The following TRIO variants were observed in gnomAD, a reference collection of about 807,000 sequenced individuals.
TRIO encodes the protein trio Rho guanine nucleotide exchange factor.
TRIO carries 58 observed loss-of-function variants against 351.9 expected under a neutral mutation model. The ratio of observed to expected loss-of-function variants is 0.16; its 90% confidence interval spans 0.13 to 0.21. The LOEUF (loss-of-function observed/expected upper bound fraction) is 0.21. Among genes scored for constraint, TRIO ranks in the 10% least tolerant of loss-of-function variants. TRIO has a pLI of 1.00. For synonymous variants in TRIO, 1,758 were observed against 1,595.7 expected (o/e 1.10, Z -2.42); for missense variants, 3,201 against 4,027.8 (o/e 0.79, Z 5.56).
At chr5:14,399,481 A>C (rs1747889889) in intron 30 of TRIO, 1 of 216,220 alleles carries the variant, frequency 4.6e-6, no homozygotes, top group East Asian at 1.0e-4. Context: ...GCTCACATTT[A>C]AAAATAAATG....
At chr5:14,445,551 A>G (rs1418310471) in intron 34 of TRIO, among the ~76,000 whole-genome samples, 2 of 152,230 alleles carry the variant, frequency 1.3e-5, no homozygotes, top group Non-Finnish European at 2.9e-5. Context: ...AGTTTCTCAG[A>G]TGCGCAGTTG....
intron 1 of TRIO, among the ~76,000 whole-genome samples, chr5:14,242,688 CCTCAGCCTCCCGA>C (rs1413418234): frequency 2.0e-5 from 3 of 152,224 alleles, no homozygotes; most frequent in Non-Finnish European, 2.9e-5. Flanking sequence ...AGTCCTCCCA[CCTCAGCCTCCCGA>C]GTAGCTGGGA....
chr5:14,390,310 C>T lies in TRIO; in HGVS notation c.4128+10C>T, dbSNP rs768333637. On this transcript the variant is annotated intron_variant, in intron 26 of 56. Coordinates refer to ENST00000344204, the MANE Select transcript of TRIO (RefSeq NM_007118.4). ...TTGTTTTGTTACTTGGGTAATGAAA[C>T]CTCAACCATTTGTTCTCTCCCAGCT... 5 of 1,613,242 alleles carry T rather than the reference C, an allele frequency of 3.1e-6. No individual in the cohort carries two copies. In the African/African-American group the frequency reaches 5.3e-5, roughly 17 times the overall value.
intron 55 of TRIO, among the ~76,000 whole-genome samples, chr5:14,505,869 G>A (rs1490026454): frequency 2.0e-5 from 3 of 152,244 alleles, no homozygotes; most frequent in African/African-American, 4.8e-5. Flanking sequence ...AAGGGCAGAC[G>A]GTGGGGCGCA....
At chr5:14,145,415 C>T (rs1303816971) in intron 1 of TRIO, among the ~76,000 whole-genome samples, 1 of 152,076 alleles carries the variant, frequency 6.6e-6, no homozygotes, top group Non-Finnish European at 1.5e-5. Context: ...AATCTACTCC[C>T]CAGTGCTCAC....
chr5:14,435,827 T>C (rs1751537558), intron 34 of TRIO, among the ~76,000 whole-genome samples: 1 of 152,234 alleles, frequency 6.6e-6, no homozygotes, highest in South Asian at 2.1e-4. Context: ...TCCTTTACTT[T>C]CTGGCACTAT....
intron 33 of TRIO, among the ~76,000 whole-genome samples, chr5:14,407,583 C>G (rs764557432): frequency 6.6e-6 from 1 of 152,210 alleles, no homozygotes; most frequent in African/African-American, 2.4e-5. Context: ...CTGAGATGCC[C>G]TCTCATAACC....
At chr5:14,160,073 G>A (rs552450555) in intron 1 of TRIO, among the ~76,000 whole-genome samples, 3 of 152,308 alleles carry the variant, frequency 2.0e-5, no homozygotes, top group African/African-American at 7.2e-5. Context: ...AAGAGACATC[G>A]CAGAAGAATT....
At chr5:14,456,214 C>T (rs994837342) in intron 34 of TRIO, among the ~76,000 whole-genome samples, 4 of 152,256 alleles carry the variant, frequency 2.6e-5, no homozygotes, top group Non-Finnish European at 5.9e-5. Flanking sequence ...AGGCGCTAGC[C>T]TGCGAGCACC....
intron 8 of TRIO, among the ~76,000 whole-genome samples, chr5:14,308,378 A>G (rs1408657993): frequency 2.8e-5 from 3 of 106,372 alleles, no homozygotes; most frequent in South Asian, 6.0e-4. Context: ...TCATCTGTCC[A>G]TCCATCCATC....
In TRIO at chr5:14,406,408, G is replaced by GCAGAAAGCC. The variant is rs1304789499; in HGVS notation, c.4860-164_4860-156dup. The GCAGAAAGCC allele has an allele frequency of 5.8e-5, 39 of 670,714 alleles. No individual in the cohort carries two copies. The East Asian group carries it at 1.0e-3, about 18-fold the overall frequency. The allele number at this position is 670,714 out of a possible 1,614,324, so 41.5% of individuals were successfully genotyped here. On this transcript the variant is annotated intron_variant, in intron 32 of 56. Coordinates refer to ENST00000344204, the MANE Select transcript of TRIO (RefSeq NM_007118.4). ...TTTTAAACACTCAGCACAGTGCCTAGCAGAAAGCCTGTGCTCGGTGAAGGG... is the reference window on the plus strand; with the variant it reads ...TTTTAAACACTCAGCACAGTGCCTAGCAGAAAGCCCAGAAAGCCTGTGCTCGGTGAAGGG...
rs747820693 is a variant in TRIO at position 14,498,570 on chromosome 5, C to T, written c.8262C>T (p.Asp2754=). 1.1e-5 allele frequency: 17 copies of T among 1,614,148 alleles called. No homozygotes were observed. Among genetic ancestry groups the T allele is most frequent in the East Asian group, 4.5e-5 (2 of 44,876 alleles). Residue 2754 remains aspartate, a synonymous_variant, in exon 53 of 57, where the codon GAC becomes GAT. Coordinates refer to ENST00000344204, the MANE Select transcript of TRIO (RefSeq NM_007118.4). ...LKIVGVTTED[D]GIYTCIAVND... is the part of the protein sequence containing the mutation. ...TTGTGGGCGTGACCACGGAAGATGA[C>T]GGCATCTACACGTGCATCGCTGTCA...
At chr5:14,493,822 C>T (rs1756675659) in intron 49 of TRIO, among the ~76,000 whole-genome samples, 1 of 152,220 alleles carries the variant, frequency 6.6e-6, no homozygotes, top group Non-Finnish European at 1.5e-5. Flanking sequence ...AAGTGCTACC[C>T]CACTAAACAC....
At chr5:14,489,898 T>C (rs1579813035) in intron 48 of TRIO, among the ~76,000 whole-genome samples, 2 of 152,314 alleles carry the variant, frequency 1.3e-5, no homozygotes, top group Non-Finnish European at 2.9e-5. Context: ...GGGAACTTGC[T>C]GAACAGGATT....
chr5:14,304,646 T>TA (rs5866099), intron 8 of TRIO, 54 bp downstream of exon 8: 28 of 1,561,282 alleles, frequency 1.8e-5, no homozygotes, highest in East Asian at 4.5e-5. Flanking sequence ...TGCATCATAG[T>TA]ACACCGGAAG....
intron 1 of TRIO, among the ~76,000 whole-genome samples, chr5:14,225,794 C>CT (rs548241615): frequency 4.0e-5 from 5 of 123,510 alleles, no homozygotes; most frequent in African/African-American, 7.0e-5. Flanking sequence ...CTGCTCCCAC[C>CT]CCCCCCCCCA....
At chr5:14,297,528 A>G in intron 7 of TRIO, 1 of 362,150 alleles carries the variant, frequency 2.8e-6, no homozygotes, top group East Asian at 4.8e-5. Flanking sequence ...GTTGATGTAA[A>G]TGTGATGCTA....
At chr5:14,342,681 C>G (rs1480113286) in intron 11 of TRIO, among the ~76,000 whole-genome samples, 3 of 152,214 alleles carry the variant, frequency 2.0e-5, no homozygotes, top group African/African-American at 7.2e-5. Flanking sequence ...CCAAGCCTTG[C>G]CTTTTGGCCT....
chr5:14,485,227 C>G lies in TRIO; in HGVS notation c.6816C>G (p.Asn2272Lys). Residue 2272 changes from asparagine (N) to lysine (K), a missense_variant, in exon 47 of 57, where the codon AAC (asparagine) becomes AAG (lysine). Transcript: ENST00000344204. ...WIHEINQILE[N>K]QRNFLNALTS... ...ATGAAATCAACCAAATTTTAGAAAACCAGCGCAATTTTTTAAATGGTAATG... is the reference window on the plus strand; with the variant it reads ...ATGAAATCAACCAAATTTTAGAAAAGCAGCGCAATTTTTTAAATGGTAATG... 6.3e-7 allele frequency: 1 copy of G among 1,578,166 alleles called. No individual in the cohort carries two copies. The highest frequency in any genetic ancestry group is 1.1e-5 in the South Asian group (1 of 87,428).
Sources: allele counts gnomAD v4.1 joint callset (sites outside exome capture counted in the v4.1 genomes callset), GRCh38; gene constraint gnomAD v4.1.1; transcripts MANE v1.5; gene names NCBI Gene and HGNC (gene_info 2026-07-23, HGNC 2026-07-21).